Variants in TXNRD1 observed in about 807,000 individuals in gnomAD.
TXNRD1 encodes thioredoxin reductase 1, cytoplasmic.
A neutral mutation model predicts 80.3 loss-of-function variants in TXNRD1; 57 were observed. The observed-to-expected ratio is 0.71, with a 90% CI of 0.57 to 0.89. The LOEUF is 0.89. Ranked by LOEUF, TXNRD1 falls within the 40% of genes least tolerant of loss-of-function variation. The pLI, the probability that TXNRD1 is intolerant of heterozygous loss-of-function variation, is 0.00. For missense variants in TXNRD1, 730 were observed against 803.0 expected, an observed-to-expected ratio of 0.91 and a Z score of 1.10; for synonymous variants, 291 against 285.2, an observed-to-expected ratio of 1.02 and a Z score of -0.20.
chr12:104,225,119 G>A (rs998587825), intron 1 of TXNRD1, among the ~76,000 whole-genome samples: 15 of 152,216 alleles, frequency 9.9e-5, no homozygotes, highest in Non-Finnish European at 2.1e-4. Flanking sequence ...GGATCTGTGA[G>A]TAAATATGCC....
At chr12:104,347,052 G>T (rs557543491) in intron 16 of TXNRD1, among the ~76,000 whole-genome samples, 1 of 152,110 alleles carries the variant, frequency 6.6e-6, no homozygotes, top group Non-Finnish European at 1.5e-5. Context: ...CCAAGATTGT[G>T]CCGCTGCACT....
At chr12:104,337,722 C>T (rs1475807613) in intron 15 of TXNRD1, among the ~76,000 whole-genome samples, 1 of 151,866 alleles carries the variant, frequency 6.6e-6, no homozygotes, top group Non-Finnish European at 1.5e-5. Flanking sequence ...AAAATGTTTT[C>T]AGACTTTAAT....
chr12:104,326,535 G>A (rs2035772425), intron 12 of TXNRD1, 112 bp downstream of exon 12: 9 of 616,154 alleles, frequency 1.5e-5, no homozygotes, highest in Non-Finnish European at 2.4e-5. Context: ...GCACGATCTC[G>A]GCTCACTGCA....
chr12:104,339,160 G>A lies in TXNRD1; in HGVS notation c.1768G>A (p.Val590Ile), dbSNP rs776384523. 4.1e-5 allele frequency: 66 copies of A among 1,613,766 alleles called. No homozygotes were observed. The highest frequency in any genetic ancestry group is 1.4e-4 in the South Asian group (13 of 91,070). Residue 590 changes from valine (V) to isoleucine (I), a missense_variant, in exon 16 of 17, where the codon GTA becomes ATA. Coordinates refer to ENST00000525566, the MANE Select transcript of TXNRD1 (RefSeq NM_001093771.3). ...TTAGGAACGTGTTGTGGGCTTTCAC[G>A]TACTGGGTCCAAATGCTGGAGAAGT... ...KDNERVVGFH[V>I]LGPNAGEVTQ... is the part of the protein sequence containing the mutation.
At chr12:104,302,502 T>TTTTTTTTTTTG (rs2034670662) in intron 4 of TXNRD1, among the ~76,000 whole-genome samples, 1 of 142,956 alleles carries the variant, frequency 7.0e-6, no homozygotes, top group African/African-American at 2.6e-5. Context: ...TTTTTTTTTT[T>TTTTTTTTTTTG]TTTTTGAGAC....
chr12:104,344,523 G>A (rs988118197), intron 16 of TXNRD1, among the ~76,000 whole-genome samples: 1 of 152,136 alleles, frequency 6.6e-6, no homozygotes, highest in Non-Finnish European at 1.5e-5. Context: ...GAAACACAGA[G>A]TTTATAGTGA....
rs751084996 is a variant in TXNRD1, at chr12:104,318,943, C to T, written c.761C>T (p.Ala254Val). 1 of 1,613,670 alleles carries T rather than the reference C, an allele frequency of 6.2e-7. No homozygotes were observed. Among genetic ancestry groups the T allele is most frequent in the Non-Finnish European group, 8.5e-7 (1 of 1,179,794 alleles). Reference sequence around the variant, plus strand: ...CATGATTGGGACAGAATGATAGAAGCTGTACAGAATCACATTGGCTCTTTG... The same window carrying T: ...CATGATTGGGACAGAATGATAGAAGTTGTACAGAATCACATTGGCTCTTTG... ...VKHDWDRMIE[A>V]VQNHIGSLNW... The change falls in exon 8 of 17, where the codon GCT (alanine) becomes GTT (valine). Residue 254 changes from alanine to valine, a missense_variant. Coordinates refer to ENST00000525566, the MANE Select transcript of TXNRD1 (RefSeq NM_001093771.3).
chr12:104,225,914 C>T (rs956394958), intron 1 of TXNRD1, among the ~76,000 whole-genome samples: 2 of 151,862 alleles, frequency 1.3e-5, no homozygotes, highest in Non-Finnish European at 2.9e-5. Context: ...GAAAAAGGAG[C>T]TTATGCCGGG....
At chr12:104,330,403 C>T in intron 13 of TXNRD1, among the ~76,000 whole-genome samples, 1 of 152,172 alleles carries the variant, frequency 6.6e-6, no homozygotes, top group South Asian at 2.1e-4. Context: ...CAGTTCTTTA[C>T]AAGTTCATTT....
chr12:104,271,183 CTT>C (rs1165430972), intron 3 of TXNRD1, among the ~76,000 whole-genome samples: 42 of 127,290 alleles, frequency 3.3e-4, no homozygotes, highest in African/African-American at 4.8e-4. Context: ...TTAGTTCTTT[CTT>C]TTTTTTTTTT....
intron 3 of TXNRD1, among the ~76,000 whole-genome samples, chr12:104,276,049 A>T (rs1437030503): frequency 6.6e-6 from 1 of 152,224 alleles, no homozygotes; most frequent in Non-Finnish European, 1.5e-5. Context: ...TCTTATAACT[A>T]TTGAGCTATA....
intron 1 of TXNRD1, among the ~76,000 whole-genome samples, chr12:104,221,044 G>A (rs1743019893): frequency 6.6e-6 from 1 of 152,186 alleles, no homozygotes; most frequent in Non-Finnish European, 1.5e-5. Context: ...CAGCTGGGAG[G>A]ATTGCTTGAC....
At chr12:104,330,508 T>A (rs1254961122) in intron 13 of TXNRD1, among the ~76,000 whole-genome samples, 1 of 152,224 alleles carries the variant, frequency 6.6e-6, no homozygotes, top group Non-Finnish European at 1.5e-5. Context: ...CCCCATGGTC[T>A]TCTTTACCAT....
intron 3 of TXNRD1, among the ~76,000 whole-genome samples, chr12:104,260,106 G>A (rs2033334613): frequency 6.6e-6 from 1 of 152,196 alleles, no homozygotes; most frequent in Admixed American, 6.5e-5. Context: ...GGTGGAGGTG[G>A]GAGGATTGCC....
chr12:104,348,625 C>G lies in TXNRD1; in HGVS notation c.*204C>G. Reference sequence around the variant, plus strand: ...GCATCACACTGGGGTCACTGACAGACTTGAAGCTGACATTTGGCAGGGCAT... The same window carrying G: ...GCATCACACTGGGGTCACTGACAGAGTTGAAGCTGACATTTGGCAGGGCAT... On this transcript the variant is annotated 3_prime_UTR_variant, in exon 17 of 17. Transcript: ENST00000525566. 8 of 554,434 alleles carry G rather than the reference C, an allele frequency of 1.4e-5. No individual in the cohort carries two copies. Among genetic ancestry groups the G allele is most frequent in the Non-Finnish European group, 2.2e-5 (7 of 312,156 alleles). 34.3% of individuals were successfully genotyped at this position (554,434 alleles called of 1,614,324 possible). A position where few individuals can be genotyped will look rare whatever the true frequency, so the allele number is the denominator to read the frequency against.
At chr12:104,293,321 TA>T (rs1368129136) in intron 4 of TXNRD1, among the ~76,000 whole-genome samples, 1 of 152,212 alleles carries the variant, frequency 6.6e-6, no homozygotes, top group Non-Finnish European at 1.5e-5. Context: ...ACTCAGGGCT[TA>T]AATAATTTCT....
chr12:104,216,991 A>G (rs1214682371), intron 1 of TXNRD1, among the ~76,000 whole-genome samples: 1 of 152,204 alleles, frequency 6.6e-6, no homozygotes, highest in East Asian at 1.9e-4. Context: ...AAGGGAGAAC[A>G]TTCTTGTTAG....
intron 4 of TXNRD1, among the ~76,000 whole-genome samples, chr12:104,306,850 T>C (rs1198833866): frequency 6.6e-6 from 1 of 152,220 alleles, no homozygotes; most frequent in Non-Finnish European, 1.5e-5. Context: ...TGCAGAGATC[T>C]GCTGTTGGAA....
chr12:104,236,845 A>G (rs1565856561), intron 1 of TXNRD1, among the ~76,000 whole-genome samples: 2 of 150,908 alleles, frequency 1.3e-5, no homozygotes, highest in Non-Finnish European at 2.9e-5. Context: ...GGTATATTTA[A>G]GGCCTTTATG....
Sources: allele counts gnomAD v4.1 joint callset (sites outside exome capture counted in the v4.1 genomes callset), GRCh38; gene constraint gnomAD v4.1.1; transcripts MANE v1.5; gene names NCBI Gene and HGNC (gene_info 2026-07-23, HGNC 2026-07-21).